The following KHDC1 variants were observed in gnomAD, a reference collection of about 807,000 sequenced individuals.
KHDC1 encodes the protein KH homology domain-containing protein 1.
In KHDC1, 21 loss-of-function variants were observed where a neutral mutation model predicts 24.7. The observed-to-expected ratio is 0.85, with a 90% CI of 0.60 to 1.23. The LOEUF is 1.23. KHDC1 is among the 50% of genes most tolerant of loss of function. KHDC1 has a pLI of 0.00. For synonymous variants in KHDC1, 98 were observed against 111.7 expected (o/e 0.88, Z 0.77); for missense variants, 274 against 298.5 (o/e 0.92, Z 0.61).
intron 2 of KHDC1, chr6:73,290,895 GCAA>G (rs1195890265): frequency 8.3e-6 from 3 of 362,200 alleles, no homozygotes; most frequent in African/African-American, 2.1e-5. Flanking sequence ...GTCATCCCAT[GCAA>G]CAACAAGGAA....
intron 1 of KHDC1, among the ~76,000 whole-genome samples, chr6:73,305,168 G>A (rs938114898): frequency 4.6e-5 from 7 of 152,068 alleles, no homozygotes; most frequent in Non-Finnish European, 1.0e-4. Context: ...AACCTGGGAA[G>A]CAGAGGTTGC....
At chr6:73,289,227 A>G (rs1425828676) in intron 2 of KHDC1, among the ~76,000 whole-genome samples, 1 of 139,524 alleles carries the variant, frequency 7.2e-6, no homozygotes, top group Non-Finnish European at 1.5e-5. Context: ...CCAGCTACTC[A>G]GGAGGCTGAG....
intron 2 of KHDC1, chr6:73,262,809 T>A (rs1267674485): frequency 5.1e-6 from 5 of 985,444 alleles, no homozygotes; most frequent in Non-Finnish European, 6.0e-6. Flanking sequence ...CGCAACTCAC[T>A]GACTCAACCA....
At chr6:73,279,249 A>G (rs556079926) in intron 2 of KHDC1, among the ~76,000 whole-genome samples, 1 of 152,284 alleles carries the variant, frequency 6.6e-6, no homozygotes, top group African/African-American at 2.4e-5. Context: ...TCTACTAAAA[A>G]TACAAAAAAC....
chr6:73,286,735 T>C (rs1209584939), intron 2 of KHDC1, among the ~76,000 whole-genome samples: 1 of 151,992 alleles, frequency 6.6e-6, no homozygotes, highest in Non-Finnish European at 1.5e-5. Context: ...TCGTGAAAAT[T>C]AGCTGGGCAT....
chr6:73,253,419 G>C (rs1414826784), intron 2 of KHDC1, among the ~76,000 whole-genome samples: 1 of 152,032 alleles, frequency 6.6e-6, no homozygotes, highest in South Asian at 2.1e-4. Flanking sequence ...CAGGTGTGGT[G>C]GCAGGCGCCT....
intron 2 of KHDC1, among the ~76,000 whole-genome samples, chr6:73,283,735 G>A (rs560191652): frequency 2.0e-5 from 3 of 150,590 alleles, no homozygotes; most frequent in South Asian, 4.2e-4. Flanking sequence ...CTGCCCCCCA[G>A]GTTCAAATTT....
intron 2 of KHDC1, among the ~76,000 whole-genome samples, chr6:73,249,732 T>A (rs1253837483): frequency 6.6e-6 from 1 of 151,976 alleles, no homozygotes; most frequent in African/African-American, 2.4e-5. Context: ...GTAGAGGGGT[T>A]TTTATTTTTG....
chr6:73,292,883 G>C (rs1767682216), intron 1 of KHDC1: 2 of 751,822 alleles, frequency 2.7e-6, no homozygotes, highest in Admixed American at 3.8e-5. Flanking sequence ...AAAGCTGAGA[G>C]AATGTGAATC....
chr6:73,306,354 T>C (rs1337635050), intron 1 of KHDC1, among the ~76,000 whole-genome samples: 6 of 151,990 alleles, frequency 3.9e-5, no homozygotes, highest in Admixed American at 3.9e-4. Flanking sequence ...AGCTCCCTCT[T>C]CCCCCAGCCT....
intron 2 of KHDC1, among the ~76,000 whole-genome samples, chr6:73,261,375 G>C (rs1017308253): frequency 6.6e-6 from 1 of 151,950 alleles, no homozygotes; most frequent in East Asian, 1.9e-4. Flanking sequence ...CCCAGAAGGC[G>C]GGGATTGCAG....
chr6:73,301,275 A>G lies in KHDC1; in HGVS notation c.163+8277T>C, dbSNP rs544088343. 2.6e-5 allele frequency: 4 copies of G among 152,298 alleles called. No homozygotes were observed. The South Asian group carries it at 8.3e-4, about 32-fold the overall frequency. 9.4% of individuals were successfully genotyped at this position (152,298 alleles called of 1,614,324 possible). A position where few individuals can be genotyped will look rare whatever the true frequency, so the allele number is the denominator to read the frequency against. ...CCCATTTCTATCATAATCTACACAG[A>G]GTTTTGAACAGGCATTTTAAAATCA... On this transcript the variant is annotated intron_variant, in intron 1 of 4. Coordinates refer to ENST00000370384, the Ensembl canonical transcript of KHDC1.
chr6:73,263,052 GGCGGCGGCGGCGGCGGCAGCGGCGGCA>G, intron 2 of KHDC1: 2 of 787,088 alleles, frequency 2.5e-6, no homozygotes, highest in Non-Finnish European at 1.5e-6. Flanking sequence ...CGGCGGCGGC[GGCGGCGGCGGCGGCGGCAGCGGCGGCA>G]GCGGCTGCAG....
At chr6:73,307,988 T>G (rs1188183719) in intron 1 of KHDC1, among the ~76,000 whole-genome samples, 4 of 151,818 alleles carry the variant, frequency 2.6e-5, no homozygotes, top group Admixed American at 2.6e-4. Flanking sequence ...CTGCAACCTC[T>G]GCCTCCCGGG....
chr6:73,291,743 TTTAA>T (rs1767654297), intron 2 of KHDC1, among the ~76,000 whole-genome samples: 3 of 152,102 alleles, frequency 2.0e-5, no homozygotes, highest in Admixed American at 6.6e-5. Flanking sequence ...TTGTTTTATT[TTTAA>T]TTAATCTTTG....
chr6:73,246,422 C>G (rs779702145), intron 2 of KHDC1, among the ~76,000 whole-genome samples: 10 of 152,076 alleles, frequency 6.6e-5, no homozygotes, highest in Non-Finnish European at 1.3e-4. Flanking sequence ...AAAGAACTTT[C>G]CAAAATATCT....
intron 2 of KHDC1, among the ~76,000 whole-genome samples, chr6:73,276,768 G>A (rs1582571556): frequency 2.0e-5 from 3 of 152,100 alleles, no homozygotes; most frequent in Non-Finnish European, 4.4e-5. Context: ...CTCCTTTTTT[G>A]CACCTGTAGC....
chr6:73,290,856 C>A, intron 2 of KHDC1: 1 of 348,728 alleles, frequency 2.9e-6, no homozygotes, highest in Non-Finnish European at 5.6e-6. Context: ...CTGTATGTAA[C>A]AGATTCTCCT....
intron 2 of KHDC1, chr6:73,284,810 A>G (rs1397420308): frequency 6.6e-6 from 1 of 152,060 alleles, no homozygotes; most frequent in African/African-American, 2.4e-5. Context: ...GAATCTTGAA[A>G]AGATTAAAGG....
Sources: gnomAD v4.1 joint callset for allele counts (sites outside exome capture counted in the v4.1 genomes callset) on GRCh38, gnomAD v4.1.1 for gene constraint, MANE v1.5 for transcripts, NCBI Gene and HGNC (gene_info 2026-07-23, HGNC 2026-07-21) for gene names.